The following PTPRD variants were observed in gnomAD, a reference collection of about 807,000 sequenced individuals.
PTPRD encodes the protein protein tyrosine phosphatase receptor type D.
Under a neutral mutation model 214.5 loss-of-function variants are expected in PTPRD, and 34 were observed. That is an observed-to-expected ratio of 0.16 (90% CI 0.12 to 0.21). PTPRD has a LOEUF of 0.21. PTPRD is among the 10% of genes least tolerant of loss of function. The pLI is 1.00. For synonymous variants in PTPRD, 1,128 were observed against 845.7 expected (o/e 1.33, Z -5.79); for missense variants, 2,545 against 2,398.7 (o/e 1.06, Z -1.27).
At chr9:8,798,707 T>A (rs1240842186) in intron 11 of PTPRD, among the ~76,000 whole-genome samples, 1 of 152,214 alleles carries the variant, frequency 6.6e-6, no homozygotes, top group Non-Finnish European at 1.5e-5. Flanking sequence ...ACAAGAAAGC[T>A]GTGCCTTCTT....
intron 2 of PTPRD, among the ~76,000 whole-genome samples, chr9:10,408,783 C>G (rs533595155): frequency 6.6e-6 from 1 of 151,720 alleles, no homozygotes; most frequent in Non-Finnish European, 1.5e-5. Flanking sequence ...CTCAGTTGAC[C>G]TTTCCAAGTT....
intron 12 of PTPRD, among the ~76,000 whole-genome samples, chr9:8,672,271 A>G (rs1036703867): frequency 2.0e-5 from 3 of 152,214 alleles, no homozygotes; most frequent in Non-Finnish European, 4.4e-5. Flanking sequence ...CTAATTAAAC[A>G]GAATGAGATT....
intron 9 of PTPRD, among the ~76,000 whole-genome samples, chr9:9,367,541 C>G (rs1359535601): frequency 1.3e-5 from 2 of 151,344 alleles, no homozygotes; most frequent in East Asian, 3.9e-4. Flanking sequence ...GGTACAGGAT[C>G]TGTACTGTTC....
chr9:8,824,104 CTTTACTGTTACCT>C (rs2097130122), intron 11 of PTPRD, among the ~76,000 whole-genome samples: 1 of 152,128 alleles, frequency 6.6e-6, no homozygotes, highest in Admixed American at 6.5e-5. Flanking sequence ...TGGCTGGCTC[CTTTACTGTTACCT>C]TTTATTAGCA....
chr9:8,807,401 TCA>T (rs2096708899), intron 11 of PTPRD, among the ~76,000 whole-genome samples: 1 of 152,168 alleles, frequency 6.6e-6, no homozygotes, highest in Non-Finnish European at 1.5e-5. Context: ...CTGGGAGTTT[TCA>T]CAGACTCCAG....
chr9:9,198,738 T>C (rs559443653), intron 9 of PTPRD, among the ~76,000 whole-genome samples: 1 of 152,336 alleles, frequency 6.6e-6, no homozygotes, highest in African/African-American at 2.4e-5. Context: ...ATGATTCCCT[T>C]GGGTTAAGAG....
chr9:8,665,856 CTTG>C (rs2097159787), intron 12 of PTPRD, among the ~76,000 whole-genome samples: 1 of 152,146 alleles, frequency 6.6e-6, no homozygotes, highest in Non-Finnish European at 1.5e-5. Flanking sequence ...ACTCCTTAGA[CTTG>C]TTATTATGTT....
intron 3 of PTPRD, among the ~76,000 whole-genome samples, chr9:10,187,242 G>A (rs1261651453): frequency 6.6e-6 from 1 of 151,976 alleles, no homozygotes; most frequent in Non-Finnish European, 1.5e-5. Flanking sequence ...TGTGAAATAG[G>A]ATGAATAGAT....
chr9:8,519,576 G>A (rs1023627918), intron 20 of PTPRD, among the ~76,000 whole-genome samples: 3 of 152,094 alleles, frequency 2.0e-5, no homozygotes, highest in African/African-American at 7.2e-5. Context: ...AGCTTTTCAA[G>A]AGCAGCAAAC....
intron 30 of PTPRD, among the ~76,000 whole-genome samples, chr9:8,478,272 GATTA>G (rs2096806300): frequency 6.6e-6 from 1 of 152,058 alleles, no homozygotes; most frequent in South Asian, 2.1e-4. Flanking sequence ...ACAAACACAT[GATTA>G]ATTACTCTTC....
chr9:9,844,680 A>G (rs1333359130), intron 5 of PTPRD, among the ~76,000 whole-genome samples: 1 of 151,958 alleles, frequency 6.6e-6, no homozygotes, highest in Non-Finnish European at 1.5e-5. Context: ...TTTATTATTT[A>G]TCTTTTAGTG....
At position 9,261,647 on chromosome 9, in the gene PTPRD, C is replaced by CGTGTGTGTGT. The variant is rs5896314; in HGVS notation, c.-202-78294_-202-78285dup. On this transcript the variant is annotated intron_variant, in intron 9 of 45. Coordinates refer to ENST00000381196, the MANE Select transcript of PTPRD (RefSeq NM_002839.4). ...GTGTGCGTGTGTGCATGTGCATGCA[C>CGTGTGTGTGT]GTGTGTGTGTGTGTGTGTGTGTGTG... is the stretch of plus-strand genomic sequence containing the variant. Among the ~76,000 whole-genome samples the CGTGTGTGTGT allele has an allele frequency of 3.8e-4, 57 of 148,194 alleles. 2 individuals carry two copies. Among genetic ancestry groups the CGTGTGTGTGT allele is most frequent in the Admixed American group, 2.8e-3 (42 of 14,810 alleles).
intron 9 of PTPRD, among the ~76,000 whole-genome samples, chr9:9,286,795 T>C (rs1949526110): frequency 6.8e-6 from 1 of 146,570 alleles, no homozygotes; most frequent in Admixed American, 6.9e-5. Context: ...TTTCTGTTGA[T>C]AGCATAGTGC....
At chr9:10,423,389 G>A (rs1375483893) in intron 2 of PTPRD, among the ~76,000 whole-genome samples, 1 of 151,824 alleles carries the variant, frequency 6.6e-6, no homozygotes, top group Non-Finnish European at 1.5e-5. Flanking sequence ...AACCAACATG[G>A]CACATGTATA....
intron 37 of PTPRD, among the ~76,000 whole-genome samples, chr9:8,388,989 T>C (rs7019734): frequency 0.011 from 1,645 of 151,510 alleles, 44 homozygotes; most frequent in African/African-American, 0.038. Flanking sequence ...TTCCTTTTTT[T>C]TTTTTTTTTT....
intron 3 of PTPRD, among the ~76,000 whole-genome samples, chr9:10,162,628 C>T (rs1465632369): frequency 1.4e-5 from 2 of 147,556 alleles, no homozygotes; most frequent in Non-Finnish European, 3.0e-5. Flanking sequence ...CACATATATA[C>T]ATGTATATAA....
At chr9:10,436,146 G>C (rs766313068) in intron 2 of PTPRD, among the ~76,000 whole-genome samples, 4 of 151,746 alleles carry the variant, frequency 2.6e-5, no homozygotes, top group Non-Finnish European at 4.4e-5. Flanking sequence ...GAACACATTA[G>C]AAGATGATAA....
At chr9:10,602,792 A>AT (rs1247180328) in intron 2 of PTPRD, among the ~76,000 whole-genome samples, 3 of 151,814 alleles carry the variant, frequency 2.0e-5, no homozygotes, top group African/African-American at 7.2e-5. Context: ...GTATCCTTAC[A>AT]TTTTATCTTG....
chr9:9,372,574 C>A (rs892559255), intron 9 of PTPRD, among the ~76,000 whole-genome samples: 1 of 152,038 alleles, frequency 6.6e-6, no homozygotes, highest in African/African-American at 2.4e-5. Context: ...TCCCATTTGC[C>A]AGTCTGTGTC....
Sources: gnomAD v4.1 joint callset for allele counts (sites outside exome capture counted in the v4.1 genomes callset) on GRCh38, gnomAD v4.1.1 for gene constraint, MANE v1.5 for transcripts, NCBI Gene and HGNC (gene_info 2026-07-23, HGNC 2026-07-21) for gene names.